SYT1: variants seen among roughly 807,000 people sequenced by gnomAD.
SYT1 encodes the protein synaptotagmin 1.
In SYT1, 8 loss-of-function variants were observed where a neutral mutation model predicts 44.8. The observed-to-expected ratio is 0.18, with a 90% CI of 0.10 to 0.32. SYT1 has a LOEUF of 0.32. Among genes scored for constraint, SYT1 ranks in the 10% least tolerant of loss-of-function variants. SYT1 has a pLI of 1.00. For missense variants in SYT1, 286 were observed against 509.3 expected, an observed-to-expected ratio of 0.56 and a Z score of 4.22; for synonymous variants, 154 against 188.8, an observed-to-expected ratio of 0.82 and a Z score of 1.51.
chr12:78,908,183 A>G (rs575956327), intron 1 of SYT1, among the ~76,000 whole-genome samples: 18 of 152,064 alleles, frequency 1.2e-4, no homozygotes, highest in African/African-American at 3.4e-4. Context: ...GATCAGCCTG[A>G]GGCAAATAAC....
intron 1 of SYT1, among the ~76,000 whole-genome samples, chr12:78,873,932 G>A (rs1003043596): frequency 4.5e-4 from 68 of 151,754 alleles, no homozygotes; most frequent in African/African-American, 1.6e-3. Context: ...TAATATAAGT[G>A]TGTTTGTAGC....
chr12:78,930,622 A>T (rs1358382112), intron 1 of SYT1, among the ~76,000 whole-genome samples: 3 of 151,548 alleles, frequency 2.0e-5, no homozygotes, highest in Admixed American at 6.6e-5. Context: ...TGACAGGATT[A>T]AAATATTTTT....
In SYT1 at chr12:78,974,180, T is replaced by C. The variant is rs536565642; in HGVS notation, c.-216-3619T>C. ...CAACATGTTACTTCAATGAACACTG[T>C]AGACAATTGTAACACAATGGTAAGT... On this transcript the variant is annotated intron_variant, in intron 1 of 10. Transcript: ENST00000261205. Among the ~76,000 whole-genome samples, 11 of 150,592 alleles carry C rather than the reference T, an allele frequency of 7.3e-5. No homozygotes were observed. In the East Asian group the frequency reaches 2.1e-3, roughly 29 times the overall value.
intron 1 of SYT1, among the ~76,000 whole-genome samples, chr12:78,903,343 T>A (rs1339734938): frequency 2.0e-5 from 3 of 151,882 alleles, no homozygotes; most frequent in Non-Finnish European, 4.4e-5. Flanking sequence ...TGGAGCACAG[T>A]GGCACGATCT....
chr12:79,201,197 G>A (rs985835622), intron 3 of SYT1, among the ~76,000 whole-genome samples: 1 of 152,268 alleles, frequency 6.6e-6, no homozygotes, highest in African/African-American at 2.4e-5. Context: ...GTTGGGGCTT[G>A]TAAATAGTTG....
rs1481817039 is a variant in SYT1 at position 79,450,467 on chromosome 12, A to G, written c.*1343A>G. ...TGAAGCAACCTCTTATGTATACTAGATGCTTGATTTAGGAGGAGTTTTTAA... is the reference window on the plus strand; with the variant it reads ...TGAAGCAACCTCTTATGTATACTAGGTGCTTGATTTAGGAGGAGTTTTTAA... On this transcript the variant is annotated 3_prime_UTR_variant, in exon 11 of 11. Transcript: ENST00000261205. 6.6e-6 allele frequency: 1 copy of G among 152,578 alleles called. No homozygotes were observed. Among genetic ancestry groups the G allele is most frequent in the African/African-American group, 2.4e-5 (1 of 41,406 alleles). 9.5% of individuals were successfully genotyped at this position (152,578 alleles called of 1,614,324 possible).
At chr12:79,294,001 A>G (rs1879762924) in intron 6 of SYT1, among the ~76,000 whole-genome samples, 1 of 152,256 alleles carries the variant, frequency 6.6e-6, no homozygotes, top group East Asian at 1.9e-4. Context: ...GACAACTTAT[A>G]TTGGTCTTAA....
At chr12:79,321,615 G>C (rs1337591874) in intron 8 of SYT1, among the ~76,000 whole-genome samples, 1 of 152,200 alleles carries the variant, frequency 6.6e-6, no homozygotes, top group Non-Finnish European at 1.5e-5. Context: ...GAAAAGGAAT[G>C]GGACTTAGCT....
At chr12:79,262,963 GA>G (rs1877913845) in intron 4 of SYT1, among the ~76,000 whole-genome samples, 1 of 152,182 alleles carries the variant, frequency 6.6e-6, no homozygotes, top group South Asian at 2.1e-4. Flanking sequence ...TGTGCTTCAA[GA>G]AAGTCCTGGA....
intron 9 of SYT1, among the ~76,000 whole-genome samples, chr12:79,367,758 G>A (rs779992814): frequency 8.6e-5 from 13 of 151,844 alleles, no homozygotes; most frequent in Admixed American, 1.3e-4. Context: ...TCCACTTGCC[G>A]GTAGGATAAA....
chr12:79,052,158 G>A (rs2400368), intron 3 of SYT1, among the ~76,000 whole-genome samples: 30,319 of 151,936 alleles, frequency 0.2, 3,369 homozygotes, highest in East Asian at 0.31. Flanking sequence ...TCCTACCCAC[G>A]AGCATGGAAT....
intron 3 of SYT1, among the ~76,000 whole-genome samples, chr12:79,121,019 A>C (rs1316039280): frequency 2.0e-5 from 3 of 151,934 alleles, no homozygotes; most frequent in Non-Finnish European, 2.9e-5. Flanking sequence ...ACATATATAC[A>C]CACATATTTG....
intron 1 of SYT1, among the ~76,000 whole-genome samples, chr12:78,925,104 A>G (rs777775210): frequency 6.6e-6 from 1 of 151,954 alleles, no homozygotes; most frequent in Non-Finnish European, 1.5e-5. Context: ...ATGCCTATCT[A>G]TGTATCTAGC....
intron 3 of SYT1, among the ~76,000 whole-genome samples, chr12:79,216,244 T>A (rs900350827): frequency 7.9e-5 from 12 of 152,180 alleles, no homozygotes; most frequent in African/African-American, 2.7e-4. Flanking sequence ...ATTTCATTTT[T>A]AAAAAAATCT....
intron 1 of SYT1, among the ~76,000 whole-genome samples, chr12:78,938,792 A>G (rs1486357966): frequency 6.6e-6 from 1 of 152,232 alleles, no homozygotes; most frequent in East Asian, 1.9e-4. Flanking sequence ...GTAACACTAA[A>G]GGAACAGCTG....
At chr12:79,364,774 A>C (rs1390088261) in intron 9 of SYT1, among the ~76,000 whole-genome samples, 2 of 152,204 alleles carry the variant, frequency 1.3e-5, no homozygotes, top group Non-Finnish European at 2.9e-5. Flanking sequence ...GTGTCCCGTT[A>C]ACAAACAAAA....
chr12:79,241,290 A>G (rs1243439905), intron 4 of SYT1, among the ~76,000 whole-genome samples: 1 of 151,614 alleles, frequency 6.6e-6, no homozygotes, highest in Admixed American at 6.6e-5. Context: ...TTATTTTTGG[A>G]GATGAAGTCT....
chr12:79,287,491 C>T (rs563078476), intron 5 of SYT1, among the ~76,000 whole-genome samples: 1 of 152,166 alleles, frequency 6.6e-6, no homozygotes, highest in South Asian at 2.1e-4. Context: ...GAAATAACCT[C>T]CTAGATGGAC....
intron 8 of SYT1, among the ~76,000 whole-genome samples, chr12:79,312,819 G>A (rs865787018): frequency 3.6e-4 from 27 of 75,402 alleles, no homozygotes; most frequent in African/African-American, 1.5e-3. Flanking sequence ...TGGATGTTTT[G>A]CTCTAGTCTT....
Sources: allele counts gnomAD v4.1 joint callset (sites outside exome capture counted in the v4.1 genomes callset), GRCh38; gene constraint gnomAD v4.1.1; transcripts MANE v1.5; gene names NCBI Gene and HGNC (gene_info 2026-07-23, HGNC 2026-07-21).